Variants in SLC25A27 observed in about 807,000 individuals in gnomAD.
SLC25A27 encodes the protein solute carrier family 25 member 27.
SLC25A27 carries 35 observed loss-of-function variants against 49.1 expected under a neutral mutation model. The observed-to-expected ratio is 0.71, with a 90% CI of 0.54 to 0.95. The LOEUF (loss-of-function observed/expected upper bound fraction) is 0.95, where lower values mean the gene tolerates loss of function less well. Among genes scored for constraint, SLC25A27 ranks in the 40% least tolerant of loss-of-function variants. The probability of loss-of-function intolerance (pLI) is 0.00; values close to 1 mark genes in which losing one functional copy is unlikely to be tolerated. For missense variants in SLC25A27, 339 were observed against 397.1 expected, an observed-to-expected ratio of 0.85 and a Z score of 1.24; for synonymous variants, 144 against 136.9, an observed-to-expected ratio of 1.05 and a Z score of -0.36.
At chr6:46,671,329 T>A (rs1219888042) in intron 8 of SLC25A27, 101 bp downstream of exon 8, 10 of 595,968 alleles carry the variant, frequency 1.7e-5, no homozygotes, top group Non-Finnish European at 2.5e-5. Flanking sequence ...AGCATGGCCC[T>A]GCCCCCCAAA....
chr6:46,665,963 C>A (rs1262054163), intron 5 of SLC25A27, among the ~76,000 whole-genome samples: 3 of 152,334 alleles, frequency 2.0e-5, no homozygotes, highest in Non-Finnish European at 2.9e-5. Context: ...CTTAGAAGAT[C>A]TGCAAAATCT....
At chr6:46,654,589 C>G (rs1762908486) in intron 1 of SLC25A27, among the ~76,000 whole-genome samples, 2 of 152,094 alleles carry the variant, frequency 1.3e-5, no homozygotes, top group South Asian at 4.1e-4. Flanking sequence ...GGATGGGAAT[C>G]AAAATGTGGG....
Position 46,653,136 on chromosome 6 carries a change from G to T in SLC25A27, c.-57G>T, listed in dbSNP as rs1453026962. 1 of 1,514,846 alleles carries T rather than the reference G, an allele frequency of 6.6e-7. No individual in the cohort carries two copies. Among genetic ancestry groups the T allele is most frequent in the Non-Finnish European group, 9.1e-7 (1 of 1,100,000 alleles). 93.8% of individuals were successfully genotyped at this position (1,514,846 alleles called of 1,614,324 possible). ...GCCCTGGCAGGGAAGCGGCCGCCGC[G>T]GCGCGGTGCAGCGCAGCGGCGAGAA... On this transcript the variant is annotated 5_prime_UTR_variant, in exon 1 of 9. Transcript: ENST00000371347.
chr6:46,660,097 A>G (rs1763115988), intron 3 of SLC25A27, among the ~76,000 whole-genome samples: 1 of 152,098 alleles, frequency 6.6e-6, no homozygotes, highest in South Asian at 2.1e-4. Context: ...AATGTGACTT[A>G]GAAGATCTGC....
chr6:46,653,224 T>C lies in SLC25A27; in HGVS notation c.32T>C (p.Leu11Ser). 6.2e-7 allele frequency: 1 copy of C among 1,613,706 alleles called. No homozygotes were observed. Among genetic ancestry groups the C allele is most frequent in the Non-Finnish European group, 8.5e-7 (1 of 1,179,748 alleles). The change falls in exon 1 of 9, where the codon TTG (leucine) becomes TCG (serine). Residue 11 changes from leucine (L) to serine (S), a missense_variant. Leu to Ser is a moderately radical substitution (Grantham distance 145, BLOSUM62 -2). Coordinates refer to ENST00000371347, the MANE Select transcript of SLC25A27 (RefSeq NM_004277.5). Reference protein sequence around the residue: MSVPEEEERLLPLTQRWPRAS... With the variant: MSVPEEEERLSPLTQRWPRAS... Reference sequence around the variant, plus strand: ...GTCCCGGAGGAGGAGGAGAGGCTTTTGCCGCTGACCCAGAGATGGCCCCGA... The same window carrying C: ...GTCCCGGAGGAGGAGGAGAGGCTTTCGCCGCTGACCCAGAGATGGCCCCGA...
intron 2 of SLC25A27, 54 bp downstream of exon 2, chr6:46,656,088 C>A: frequency 7.0e-7 from 1 of 1,431,410 alleles, no homozygotes; most frequent in Non-Finnish European, 9.5e-7. Context: ...TGTTTGTCTC[C>A]TGTGCTTTTC....
At chr6:46,655,183 T>C (rs531116632) in intron 1 of SLC25A27, among the ~76,000 whole-genome samples, 480 of 152,328 alleles carry the variant, frequency 3.2e-3, no homozygotes, top group Middle Eastern at 0.017. Flanking sequence ...ATTGAAAGGA[T>C]ATTGAGCTTA....
At chr6:46,661,131 T>TA (rs2150638769) in intron 3 of SLC25A27, among the ~76,000 whole-genome samples, 1 of 152,166 alleles carries the variant, frequency 6.6e-6, no homozygotes, top group East Asian at 1.9e-4. Context: ...ATGTAAAAAA[T>TA]ACAGAGAAAA....
chr6:46,669,898 C>T (rs921418486), intron 6 of SLC25A27, among the ~76,000 whole-genome samples: 1 of 152,148 alleles, frequency 6.6e-6, no homozygotes, highest in Non-Finnish European at 1.5e-5. Flanking sequence ...CTGTCTTGTT[C>T]ACTGCCTAGA....
In SLC25A27 at chr6:46,664,998, A is replaced by G. The variant is rs1038105946; in HGVS notation, c.619+112A>G. ...TTATTTTTAATATATTGGTGACCAT[A>G]TATTGTTGACTGGCTGTATAGATGT... On this transcript the variant is annotated intron_variant, in intron 5 of 8. Transcript: ENST00000371347. 1.9e-5 allele frequency: 10 copies of G among 515,638 alleles called. No homozygotes were observed. In the South Asian group the frequency reaches 3.4e-4, roughly 18 times the overall value. The allele number at this position is 515,638 out of a possible 1,614,324, so 31.9% of individuals were successfully genotyped here.
intron 3 of SLC25A27, among the ~76,000 whole-genome samples, chr6:46,661,402 T>A (rs1763159153): frequency 6.6e-6 from 1 of 152,226 alleles, no homozygotes; most frequent in South Asian, 2.1e-4. Context: ...AAATAAATTA[T>A]GGCATATCCA....
chr6:46,667,776 C>A (rs1039856582), intron 5 of SLC25A27, among the ~76,000 whole-genome samples: 1 of 152,190 alleles, frequency 6.6e-6, no homozygotes, highest in Non-Finnish European at 1.5e-5. Context: ...CCTTTCCTTA[C>A]CTTCTTTGTC....
chr6:46,670,351 G>A (rs951230200), intron 7 of SLC25A27, 124 bp downstream of exon 7: 19 of 683,262 alleles, frequency 2.8e-5, no homozygotes, highest in African/African-American at 1.1e-4. Context: ...AAAATTGAGC[G>A]CATTTTTTTT....
At chr6:46,661,731 G>A (rs1269964796) in intron 3 of SLC25A27, among the ~76,000 whole-genome samples, 1 of 152,222 alleles carries the variant, frequency 6.6e-6, no homozygotes, top group Non-Finnish European at 1.5e-5. Flanking sequence ...ATCTGACAGA[G>A]AGAATGACAG....
In SLC25A27 at chr6:46,655,168, C is replaced by T. The variant is rs535200742; in HGVS notation, c.107-675C>T. Among the ~76,000 whole-genome samples the T allele has an allele frequency of 2.0e-5, 3 of 152,260 alleles. No individual in the cohort carries two copies. The South Asian group carries it at 6.2e-4, about 32-fold the overall frequency. ...TGCTGGAAAAATAATTCCATATATGCTTTAATTGAAAGGATATTGAGCTTA... is the reference window on the plus strand; with the variant it reads ...TGCTGGAAAAATAATTCCATATATGTTTTAATTGAAAGGATATTGAGCTTA... On this transcript the variant is annotated intron_variant, in intron 1 of 8. Coordinates refer to ENST00000371347, the MANE Select transcript of SLC25A27 (RefSeq NM_004277.5).
chr6:46,660,230 C>CTGTGTGTGTGTGTGTGTGTGTG (rs140354056), intron 3 of SLC25A27, among the ~76,000 whole-genome samples: 4,210 of 147,342 alleles, frequency 0.029, 210 homozygotes, highest in African/African-American at 0.098. Flanking sequence ...ACCTCTGTGT[C>CTGTGTGTGTGTGTGTGTGTGTG]TGTGTGTGTG....
At chr6:46,653,964 G>A (rs1582491455) in intron 1 of SLC25A27, 1 of 681,482 alleles carries the variant, frequency 1.5e-6, no homozygotes, top group Admixed American at 6.5e-5. Flanking sequence ...TGGGGAGACA[G>A]AGAAAGACAA....
chr6:46,657,320 G>A (rs749367441), intron 2 of SLC25A27, among the ~76,000 whole-genome samples: 20 of 151,950 alleles, frequency 1.3e-4, no homozygotes, highest in East Asian at 1.9e-4. Context: ...AAAATTAGCC[G>A]GGCCTAGTGG....
chr6:46,676,354 T>C (rs757704483), intron 8 of SLC25A27, 29 bp from the exon 9 acceptor site: 2 of 1,604,732 alleles, frequency 1.2e-6, no homozygotes, highest in South Asian at 2.2e-5. Flanking sequence ...CTTTGAAATA[T>C]GCACTAACTT....
Sources: gnomAD v4.1 joint callset for allele counts (sites outside exome capture counted in the v4.1 genomes callset) on GRCh38, gnomAD v4.1.1 for gene constraint, MANE v1.5 for transcripts, NCBI Gene and HGNC (gene_info 2026-07-23, HGNC 2026-07-21) for gene names.